Variants in KCNK2 observed in about 807,000 individuals in gnomAD.
The protein encoded by KCNK2 is potassium channel subfamily K member 2.
Under a neutral mutation model 40.5 loss-of-function variants are expected in KCNK2, and 21 were observed. The observed-to-expected ratio is 0.52, with a 90% CI of 0.37 to 0.75. The LOEUF (loss-of-function observed/expected upper bound fraction) is 0.75, where lower values mean the gene tolerates loss of function less well. Among genes scored for constraint, KCNK2 ranks in the 30% least tolerant of loss-of-function variants. The pLI is 0.00. For missense variants in KCNK2, 399 were observed against 531.6 expected (o/e 0.75, Z 2.45); for synonymous variants, 191 against 202.2 (o/e 0.94, Z 0.47).
intron 1 of KCNK2, among the ~76,000 whole-genome samples, chr1:215,072,183 C>T (rs1382331749): frequency 6.6e-6 from 1 of 152,118 alleles, no homozygotes; most frequent in Non-Finnish European, 1.5e-5. Context: ...TCGGTGTGAT[C>T]TCACAGGATA....
intron 2 of KCNK2, among the ~76,000 whole-genome samples, chr1:215,117,050 A>G (rs1228623353): frequency 6.6e-6 from 1 of 152,042 alleles, no homozygotes; most frequent in Non-Finnish European, 1.5e-5. Flanking sequence ...GTACTCTATA[A>G]CATTACATTT....
chr1:215,166,194 T>C (rs544824442), intron 3 of KCNK2, among the ~76,000 whole-genome samples: 1 of 152,138 alleles, frequency 6.6e-6, no homozygotes, highest in South Asian at 2.1e-4. Context: ...AAAATTTCCA[T>C]AGTGTGCTCG....
intron 2 of KCNK2, among the ~76,000 whole-genome samples, chr1:215,108,244 C>T (rs1169488261): frequency 6.6e-6 from 1 of 152,092 alleles, no homozygotes; most frequent in African/African-American, 2.4e-5. Context: ...TGGTATGGGT[C>T]TGTGGCTTGG....
chr1:215,209,343 ATATATAT>A (rs1665475384), intron 6 of KCNK2, among the ~76,000 whole-genome samples: 1 of 90,292 alleles, frequency 1.1e-5, no homozygotes, highest in South Asian at 2.9e-4. Flanking sequence ...TATATATAAT[ATATATAT>A]TATATATAAT....
chr1:215,197,278 A>C (rs72735373), intron 6 of KCNK2, among the ~76,000 whole-genome samples: 24,710 of 152,228 alleles, frequency 0.16, 2,562 homozygotes, highest in South Asian at 0.45. Flanking sequence ...GTTACAACAA[A>C]ATAGGACGGA....
chr1:215,209,996 ATATATATTATATAT>A (rs1665646371), intron 6 of KCNK2, among the ~76,000 whole-genome samples: 1 of 1,372 alleles, frequency 7.3e-4, no homozygotes, highest in Non-Finnish European at 1.8e-3. Context: ...ATAATATATA[ATATATATTATATAT>A]AATATATAAT....
chr1:215,175,900 C>T (rs1018978987), intron 5 of KCNK2, among the ~76,000 whole-genome samples: 4 of 152,106 alleles, frequency 2.6e-5, no homozygotes, highest in Non-Finnish European at 5.9e-5. Context: ...TAATCCACCA[C>T]TGATGGACAC....
At chr1:215,223,062 C>T (rs543208359) in intron 6 of KCNK2, among the ~76,000 whole-genome samples, 7 of 151,908 alleles carry the variant, frequency 4.6e-5, no homozygotes, top group South Asian at 4.2e-4. Flanking sequence ...GAAAAAATCC[C>T]GGTCAAAGAT....
intron 1 of KCNK2, among the ~76,000 whole-genome samples, chr1:215,040,210 G>A (rs564902608): frequency 1.3e-5 from 2 of 152,178 alleles, no homozygotes; most frequent in African/African-American, 4.8e-5. Context: ...ACCCATCTCT[G>A]CTTTATACCC....
intron 2 of KCNK2, among the ~76,000 whole-genome samples, chr1:215,095,859 AC>A (rs1242902662): frequency 6.6e-6 from 1 of 152,074 alleles, no homozygotes; most frequent in Non-Finnish European, 1.5e-5. Flanking sequence ...TGAAGGCAGA[AC>A]ATTTACTCAT....
chr1:215,033,824 T>G (rs1344527683), intron 1 of KCNK2, among the ~76,000 whole-genome samples: 1 of 152,204 alleles, frequency 6.6e-6, no homozygotes, highest in Non-Finnish European at 1.5e-5. Context: ...CTGATATGTT[T>G]CAAAATGATT....
intron 1 of KCNK2, among the ~76,000 whole-genome samples, chr1:215,017,935 G>C (rs753166666): frequency 1.3e-5 from 2 of 152,046 alleles, no homozygotes; most frequent in Non-Finnish European, 2.9e-5. Flanking sequence ...TTCTCCTTGG[G>C]CAATTGATAA....
intron 5 of KCNK2, among the ~76,000 whole-genome samples, chr1:215,172,397 T>G (rs1663755125): frequency 6.6e-6 from 1 of 152,078 alleles, no homozygotes; most frequent in East Asian, 1.9e-4. Context: ...CCTCTCAGAC[T>G]CAGTAGAATT....
intron 3 of KCNK2, 57 bp downstream of exon 3, chr1:215,124,807 A>G: frequency 9.7e-7 from 1 of 1,031,140 alleles, no homozygotes; most frequent in Non-Finnish European, 1.5e-6. Flanking sequence ...GCTAAAATCC[A>G]TTTGTTTGAA....
chr1:215,120,661 A>C (rs990716191), intron 2 of KCNK2, among the ~76,000 whole-genome samples: 11 of 152,254 alleles, frequency 7.2e-5, no homozygotes, highest in African/African-American at 2.4e-4. Flanking sequence ...CCTCCAGAGT[A>C]ACTAGATAAC....
At chr1:215,191,859 G>C (rs753060750) in intron 5 of KCNK2, among the ~76,000 whole-genome samples, 23 of 152,054 alleles carry the variant, frequency 1.5e-4, no homozygotes, top group Non-Finnish European at 3.1e-4. Flanking sequence ...GGGGAGAGTG[G>C]GCTGTAGCAT....
At chr1:215,047,928 T>C (rs538435117) in intron 1 of KCNK2, among the ~76,000 whole-genome samples, 2 of 152,334 alleles carry the variant, frequency 1.3e-5, no homozygotes, top group African/African-American at 4.8e-5. Flanking sequence ...AGTCAATGTG[T>C]GTAGATGAAA....
Position 215,125,790 on chromosome 1 carries a change from GAA to G in KCNK2, c.475+1052_475+1053del, listed in dbSNP as rs71686553. Reference sequence around the variant, plus strand: ...TATATATATATATAAAATAAAATTTGAAAAAAAAAAAAAGAAAGCCATGTTTG... The same window carrying G: ...TATATATATATATAAAATAAAATTTGAAAAAAAAAAAGAAAGCCATGTTTG... On this transcript the variant is annotated intron_variant, in intron 3 of 6. Coordinates refer to ENST00000444842, the MANE Select transcript of KCNK2 (RefSeq NM_001017425.3). Among the ~76,000 whole-genome samples the G allele has an allele frequency of 1.7e-3, 211 of 125,648 alleles. 3 individuals carry two copies. The highest frequency in any genetic ancestry group is 5.4e-3 in the African/African-American group (172 of 31,672). The allele number at this position is 125,648 out of a possible 152,430, so 82.4% of individuals were successfully genotyped here. A position where few individuals can be genotyped will look rare whatever the true frequency, so the allele number is the denominator to read the frequency against.
chr1:215,044,833 G>GCGCGCGCGCA (rs540471262), intron 1 of KCNK2, among the ~76,000 whole-genome samples: 3 of 141,320 alleles, frequency 2.1e-5, no homozygotes, highest in African/African-American at 7.7e-5. Flanking sequence ...GTGTGCGCGC[G>GCGCGCGCGCA]CACACGTGTG....
Sources: allele counts gnomAD v4.1 joint callset (sites outside exome capture counted in the v4.1 genomes callset), GRCh38; gene constraint gnomAD v4.1.1; transcripts MANE v1.5; gene names NCBI Gene and HGNC (gene_info 2026-07-23, HGNC 2026-07-21).